PDE7B: variants seen among roughly 807,000 people sequenced by gnomAD.
The protein encoded by PDE7B is 3',5'-cyclic-AMP phosphodiesterase 7B.
In PDE7B, 29 loss-of-function variants were observed where a neutral mutation model predicts 56.2. The ratio of observed to expected loss-of-function variants is 0.52; its 90% CI spans 0.38 to 0.70. The LOEUF is 0.70. PDE7B is among the 30% of genes least tolerant of loss of function. The pLI, the probability that PDE7B is intolerant of heterozygous loss-of-function variation, is 0.00. For missense variants in PDE7B, 490 were observed against 565.0 expected (o/e 0.87, Z 1.35); for synonymous variants, 197 against 196.9 (o/e 1.00, Z 0.00).
chr6:136,111,558 G>A (rs1208215158), intron 3 of PDE7B, among the ~76,000 whole-genome samples: 1 of 152,206 alleles, frequency 6.6e-6, no homozygotes, highest in Non-Finnish European at 1.5e-5. Flanking sequence ...CCATGGAGCA[G>A]AGATGTATGA....
chr6:135,905,547 A>G (rs912610287), intron 1 of PDE7B, among the ~76,000 whole-genome samples: 1 of 152,170 alleles, frequency 6.6e-6, no homozygotes, highest in African/African-American at 2.4e-5. Context: ...CAGAGAATTC[A>G]CATTCCTGTC....
chr6:136,172,458 G>A (rs899089790), intron 8 of PDE7B, among the ~76,000 whole-genome samples: 2 of 152,170 alleles, frequency 1.3e-5, no homozygotes, highest in African/African-American at 2.4e-5. Context: ...GTCTGTTCAT[G>A]TCCTTCGCCC....
chr6:135,924,468 G>A (rs1289581899), intron 1 of PDE7B, among the ~76,000 whole-genome samples: 1 of 152,070 alleles, frequency 6.6e-6, no homozygotes, highest in Non-Finnish European at 1.5e-5. Flanking sequence ...TGAAAAGCAA[G>A]GTGACGTGTC....
At chr6:135,886,334 A>G (rs1775709243) in intron 1 of PDE7B, among the ~76,000 whole-genome samples, 2 of 151,842 alleles carry the variant, frequency 1.3e-5, no homozygotes, top group Admixed American at 1.3e-4. Flanking sequence ...CCTTCCCTTT[A>G]TCATCTTTTT....
intron 1 of PDE7B, among the ~76,000 whole-genome samples, chr6:135,945,317 G>T (rs998998625): frequency 2.0e-5 from 3 of 152,156 alleles, no homozygotes; most frequent in Non-Finnish European, 4.4e-5. Flanking sequence ...ATGACACGAG[G>T]TGAGCAGAGT....
chr6:136,143,369 T>TA lies in PDE7B; in HGVS notation c.167-3972dup, dbSNP rs945310092. Among the ~76,000 whole-genome samples, 76 of 149,118 alleles carry TA rather than the reference T, an allele frequency of 5.1e-4. No individual in the cohort carries two copies. The Middle Eastern group carries it at 0.017, about 34-fold the overall frequency. On this transcript the variant is annotated intron_variant, in intron 3 of 12. Coordinates refer to ENST00000308191, the MANE Select transcript of PDE7B (RefSeq NM_018945.4). ...CCATGTCTATTATATTTTTTTTATTTAAAAAAAAAATGCAAGACAGGCTAG... is the reference window on the plus strand; with the variant it reads ...CCATGTCTATTATATTTTTTTTATTTAAAAAAAAAAATGCAAGACAGGCTAG...
chr6:136,175,228 T>G (rs1042876032), intron 9 of PDE7B, among the ~76,000 whole-genome samples: 1 of 152,252 alleles, frequency 6.6e-6, no homozygotes, highest in Non-Finnish European at 1.5e-5. Context: ...AGAAGAATAA[T>G]TGTTATACAA....
At chr6:136,094,246 A>T (rs1777437234) in intron 2 of PDE7B, 2 of 152,024 alleles carry the variant, frequency 1.3e-5, no homozygotes, top group South Asian at 4.1e-4. Flanking sequence ...TCTTAATATC[A>T]CCTATTGGAG....
chr6:136,117,995 A>G (rs1777868544), intron 3 of PDE7B, among the ~76,000 whole-genome samples: 1 of 152,112 alleles, frequency 6.6e-6, no homozygotes, highest in Non-Finnish European at 1.5e-5. Flanking sequence ...AAGATGCCCA[A>G]ACTACTTAAT....
chr6:135,977,952 T>G (rs1775220513), intron 2 of PDE7B, among the ~76,000 whole-genome samples: 1 of 152,176 alleles, frequency 6.6e-6, no homozygotes, highest in Admixed American at 6.5e-5. Context: ...TATATACATG[T>G]GTATACTGTA....
intron 2 of PDE7B, among the ~76,000 whole-genome samples, chr6:136,081,415 T>C (rs1380617620): frequency 1.3e-5 from 2 of 152,134 alleles, no homozygotes; most frequent in Admixed American, 1.3e-4. Context: ...CTAAGGGCAA[T>C]TGAGTGATTA....
intron 1 of PDE7B, among the ~76,000 whole-genome samples, chr6:135,854,921 T>G (rs776788529): frequency 2.6e-5 from 4 of 152,240 alleles, no homozygotes; most frequent in Non-Finnish European, 4.4e-5. Context: ...AAAGTTCTTA[T>G]GTGTGGTCAA....
intron 1 of PDE7B, among the ~76,000 whole-genome samples, chr6:135,854,959 A>C (rs773658570): frequency 2.6e-5 from 4 of 152,188 alleles, no homozygotes; most frequent in Non-Finnish European, 5.9e-5. Context: ...CTTTCTCAAG[A>C]ATCATTTAAG....
chr6:135,957,010 G>A (rs1443678677), intron 2 of PDE7B, among the ~76,000 whole-genome samples: 1 of 152,142 alleles, frequency 6.6e-6, no homozygotes, highest in Non-Finnish European at 1.5e-5. Context: ...ATTTGAGAAT[G>A]TTTTGATGGT....
chr6:136,078,938 A>G (rs1777163466), intron 2 of PDE7B, among the ~76,000 whole-genome samples: 1 of 152,216 alleles, frequency 6.6e-6, no homozygotes, highest in Admixed American at 6.5e-5. Context: ...ATATCTTTCC[A>G]GACAGCTCTG....
intron 1 of PDE7B, among the ~76,000 whole-genome samples, chr6:135,881,602 C>T (rs991599578): frequency 6.6e-6 from 1 of 152,132 alleles, no homozygotes. Context: ...ACTGCAATGA[C>T]CTGTTAATGT....
intron 1 of PDE7B, among the ~76,000 whole-genome samples, chr6:135,920,000 AAAAC>A (rs1442453770): frequency 3.2e-4 from 48 of 152,222 alleles, no homozygotes; most frequent in Admixed American, 6.5e-4. Flanking sequence ...TATAAATAAG[AAAAC>A]CAAACTTAAA....
intron 1 of PDE7B, among the ~76,000 whole-genome samples, chr6:135,925,760 G>A (rs1774172679): frequency 6.6e-6 from 1 of 152,160 alleles, no homozygotes; most frequent in Non-Finnish European, 1.5e-5. Context: ...GCTCTCCTAT[G>A]CCACCCAAAT....
At chr6:136,159,483 A>G (rs1372306578) in intron 8 of PDE7B, among the ~76,000 whole-genome samples, 1 of 152,234 alleles carries the variant, frequency 6.6e-6, no homozygotes, top group Non-Finnish European at 1.5e-5. Flanking sequence ...CAAGAGAAAG[A>G]CATCTTCAAA....
Sources: allele counts gnomAD v4.1 joint callset (sites outside exome capture counted in the v4.1 genomes callset), GRCh38; gene constraint gnomAD v4.1.1; transcripts MANE v1.5; gene names NCBI Gene and HGNC (gene_info 2026-07-23, HGNC 2026-07-21).